The following SOS1 variants were observed in gnomAD, a reference collection of about 807,000 sequenced individuals.
The protein encoded by SOS1 is son of sevenless homolog 1.
SOS1 carries 25 observed loss-of-function variants against 157.6 expected under a neutral mutation model. The observed-to-expected ratio is 0.16, with a 90% CI of 0.12 to 0.22. The LOEUF is 0.22. SOS1 is among the 10% of genes least tolerant of loss of function. The pLI is 1.00. For missense variants in SOS1, 1,237 were observed against 1,599.1 expected (o/e 0.77, Z 3.86); for synonymous variants, 528 against 534.0 (o/e 0.99, Z 0.16).
chr2:39,045,273 AGTGTGTGTGT>A (rs60673777), intron 6 of SOS1, among the ~76,000 whole-genome samples: 3 of 108,090 alleles, frequency 2.8e-5, no homozygotes. Flanking sequence ...AGAGAGAGAG[AGTGTGTGTGT>A]GTGTGTGTGT....
intron 1 of SOS1, among the ~76,000 whole-genome samples, chr2:39,076,324 C>T (rs1358994186): frequency 1.3e-5 from 2 of 151,930 alleles, no homozygotes; most frequent in Non-Finnish European, 2.9e-5. Context: ...TGCTTCAGCC[C>T]AGGAGGTGGA....
rs1228843188 is a variant in SOS1 at position 39,109,659 on chromosome 2, C to T, written c.87+10677G>A. On this transcript the variant is annotated intron_variant, in intron 1 of 22. Coordinates refer to ENST00000402219, the MANE Select transcript of SOS1 (RefSeq NM_005633.4). ...GACTTAGGTTCAAATCCTGATTCTA[C>T]TCCTTACTAGTCATAACATCTTGTG... Among the ~76,000 whole-genome samples the T allele has an allele frequency of 3.9e-5, 6 of 152,336 alleles. No individual in the cohort carries two copies. In the East Asian group the frequency reaches 1.2e-3, roughly 29 times the overall value.
chr2:39,023,896 C>T (rs760215574), intron 9 of SOS1, 114 bp downstream of exon 9: 526 of 739,574 alleles, frequency 7.1e-4, no homozygotes, highest in Non-Finnish European at 1.1e-3. Context: ...AAAGACCAGG[C>T]TTGTCACTAA....
chr2:39,056,962 C>CT (rs1176608726), intron 3 of SOS1, 96 bp from the exon 4 acceptor site: 4 of 902,184 alleles, frequency 4.4e-6, no homozygotes, highest in Admixed American at 1.9e-5. Flanking sequence ...TTAACTTACA[C>CT]TTTTTTTCCT....
chr2:39,026,184 G>C (rs570046320), intron 8 of SOS1, among the ~76,000 whole-genome samples: 4 of 151,580 alleles, frequency 2.6e-5, no homozygotes, highest in African/African-American at 9.7e-5. Context: ...GTAAAACCCC[G>C]TCTCTACTAA....
At chr2:39,003,068 A>AAAAAAAAAC (rs764781736) in intron 17 of SOS1, among the ~76,000 whole-genome samples, 1 of 115,112 alleles carries the variant, frequency 8.7e-6, no homozygotes. Flanking sequence ...CCTTGTATCA[A>AAAAAAAAAC]AAAAAAAAAA....
Position 39,013,557 on chromosome 2 carries a change from T to G in SOS1, c.2070A>C (p.Leu690Phe), listed in dbSNP as rs758056885. 3 of 1,582,750 alleles carry G rather than the reference T, an allele frequency of 1.9e-6. No individual in the cohort carries two copies. Among genetic ancestry groups the G allele is most frequent in the Non-Finnish European group, 2.6e-6 (3 of 1,151,540 alleles). Reference sequence around the variant, plus strand: ...GCTCTACCCAGTGCCGACATACATTTAATACTCTATGGCATTAACACAGAA... The same window carrying G: ...GCTCTACCCAGTGCCGACATACATTGAATACTCTATGGCATTAACACAGAA... ...EYIQPVQLRV[L>F]NVCRHWVEHH... Residue 690 changes from leucine to phenylalanine, a missense_variant, in exon 13 of 23, where the codon TTA (leucine) becomes TTC (phenylalanine). Leu to Phe is a conservative substitution (Grantham distance 22). Coordinates refer to ENST00000402219, the MANE Select transcript of SOS1 (RefSeq NM_005633.4).
At position 39,120,912 on chromosome 2, in the gene SOS1, T is replaced by A. The variant is rs1673858472; in HGVS notation, c.-490A>T. 1 of 153,150 alleles carries A rather than the reference T, an allele frequency of 6.5e-6. No homozygotes were observed. The highest frequency in any genetic ancestry group is 1.4e-5 in the Non-Finnish European group (1 of 68,988). 9.5% of individuals were successfully genotyped at this position (153,150 alleles called of 1,614,324 possible). ...GGGCGGGGCGGAGCTGGGGCGGAGG[T>A]CTCGCGGGGAAGGGGAAGGACCGGA... On this transcript the variant is annotated 5_prime_UTR_variant, in exon 1 of 23. Coordinates refer to ENST00000402219, the MANE Select transcript of SOS1 (RefSeq NM_005633.4).
At chr2:38,989,973 C>CA (rs1668680724) in intron 20 of SOS1, among the ~76,000 whole-genome samples, 1 of 151,836 alleles carries the variant, frequency 6.6e-6, no homozygotes, top group African/African-American at 2.4e-5. Context: ...AACTGAAAAT[C>CA]AAAAGCGAAA....
intron 20 of SOS1, among the ~76,000 whole-genome samples, chr2:38,991,221 A>G (rs1294258636): frequency 1.3e-5 from 2 of 151,066 alleles, no homozygotes; most frequent in Admixed American, 6.6e-5. Flanking sequence ...GCATTTTTCT[A>G]TAGAAAAAAA....
rs1671632143 is a variant in SOS1 at position 39,067,556 on chromosome 2, T to C, written c.213+72A>G. ...ATATATATAGAGAGAGCAAATTCTT[T>C]CCCTGTTCACTGACATTACAACCAA... On this transcript the variant is annotated intron_variant, in intron 2 of 22. Coordinates refer to ENST00000402219, the MANE Select transcript of SOS1 (RefSeq NM_005633.4). 12 of 1,374,952 alleles carry C rather than the reference T, an allele frequency of 8.7e-6. No homozygotes were observed. The East Asian group carries it at 2.1e-4, about 24-fold the overall frequency. The allele number at this position is 1,374,952 out of a possible 1,614,324, so 85.2% of individuals were successfully genotyped here. A position where few individuals can be genotyped will look rare whatever the true frequency, so the allele number is the denominator to read the frequency against.
intron 2 of SOS1, among the ~76,000 whole-genome samples, chr2:39,062,882 GAAAT>G (rs1223436558): frequency 1.3e-5 from 2 of 151,964 alleles, no homozygotes; most frequent in African/African-American, 4.8e-5. Flanking sequence ...AAGAGGGAAA[GAAAT>G]AGATTGAAGC....
Position 38,983,186 on chromosome 2 carries a change from A to C in SOS1, c.*2638T>G, listed in dbSNP as rs533765017. The C allele has an allele frequency of 4.6e-5, 7 of 152,302 alleles. No individual in the cohort carries two copies. Among genetic ancestry groups the C allele is most frequent in the African/African-American group, 1.7e-4 (7 of 41,578 alleles). 9.4% of individuals were successfully genotyped at this position (152,302 alleles called of 1,614,324 possible). ...ACCCCCTTGTAATGTCCAGGATTCA[A>C]AAGCAGAATTTTGTAATGATGCATT... On this transcript the variant is annotated 3_prime_UTR_variant, in exon 23 of 23. Coordinates refer to ENST00000402219, the MANE Select transcript of SOS1 (RefSeq NM_005633.4).
intron 14 of SOS1, among the ~76,000 whole-genome samples, chr2:39,011,124 T>C (rs1252924535): frequency 1.3e-5 from 2 of 152,172 alleles, no homozygotes; most frequent in African/African-American, 4.8e-5. Context: ...CTCGAACTCC[T>C]GACCTCGGAT....
At chr2:38,994,974 G>A (rs753079032) in intron 20 of SOS1, 149 bp downstream of exon 20, 3 of 640,744 alleles carry the variant, frequency 4.7e-6, no homozygotes, top group Non-Finnish European at 7.9e-6. Context: ...TTTAGAATTT[G>A]TCTTATATTT....
chr2:38,982,183 G>A lies in SOS1; in HGVS notation c.*3641C>T, dbSNP rs1668420876. 6.6e-6 allele frequency: 1 copy of A among 152,104 alleles called. No homozygotes were observed. Among genetic ancestry groups the A allele is most frequent in the African/African-American group, 2.4e-5 (1 of 41,428 alleles). The allele number at this position is 152,104 out of a possible 1,614,324, so 9.4% of individuals were successfully genotyped here. Reference sequence around the variant, plus strand: ...CACTATTTTCATTAAAGGCAAAAGGGAAATTTGCTCACAGTCGACAGAAAA... The same window carrying A: ...CACTATTTTCATTAAAGGCAAAAGGAAAATTTGCTCACAGTCGACAGAAAA... On this transcript the variant is annotated 3_prime_UTR_variant, in exon 23 of 23. Coordinates refer to ENST00000402219, the MANE Select transcript of SOS1 (RefSeq NM_005633.4).
At chr2:39,022,533 G>C in intron 10 of SOS1, 37 bp downstream of exon 10, 1 of 1,552,414 alleles carries the variant, frequency 6.4e-7, no homozygotes, top group African/African-American at 1.4e-5. Context: ...GTTTGAAGCA[G>C]GAAAACAAAA....
intron 6 of SOS1, among the ~76,000 whole-genome samples, chr2:39,044,858 G>GCA (rs1161663359): frequency 0.028 from 824 of 29,840 alleles, 5 homozygotes; most frequent in Non-Finnish European, 0.039. Context: ...ACATGCGCGC[G>GCA]CGCGCGCACA....
chr2:39,070,954 C>G (rs998796091), intron 1 of SOS1, among the ~76,000 whole-genome samples: 2 of 152,178 alleles, frequency 1.3e-5, no homozygotes, highest in South Asian at 2.1e-4. Context: ...CCTCCACCTC[C>G]TGGGTTCAAG....
Sources: gnomAD v4.1 joint callset for allele counts (sites outside exome capture counted in the v4.1 genomes callset) on GRCh38, gnomAD v4.1.1 for gene constraint, MANE v1.5 for transcripts, NCBI Gene and HGNC (gene_info 2026-07-23, HGNC 2026-07-21) for gene names.